The following SLC4A4 variants were observed in gnomAD, a reference collection of about 807,000 sequenced individuals.
SLC4A4 encodes the protein solute carrier family 4 member 4, also known as electrogenic sodium bicarbonate cotransporter 1.
In SLC4A4, 27 loss-of-function variants were observed where a neutral mutation model predicts 111.5. That is an observed-to-expected ratio of 0.24 (90% CI 0.18 to 0.33). SLC4A4 has a LOEUF of 0.33. SLC4A4 is among the 10% of genes least tolerant of loss of function. The pLI, the probability that SLC4A4 is intolerant of heterozygous loss-of-function variation, is 1.00. For missense variants in SLC4A4, 909 were observed against 1,315.5 expected, an observed-to-expected ratio of 0.69 and a Z score of 4.78; for synonymous variants, 443 against 463.4, an observed-to-expected ratio of 0.96 and a Z score of 0.57.
intron 2 of SLC4A4, among the ~76,000 whole-genome samples, chr4:71,098,517 T>G (rs1039133628): frequency 6.6e-6 from 1 of 152,228 alleles, no homozygotes; most frequent in Non-Finnish European, 1.5e-5. Context: ...AGATTCTTTT[T>G]TGGTTTCATG....
intron 15 of SLC4A4, among the ~76,000 whole-genome samples, chr4:71,492,365 A>G (rs928300702): frequency 2.6e-5 from 4 of 151,862 alleles, no homozygotes; most frequent in Non-Finnish European, 4.4e-5. Flanking sequence ...TATGCATACT[A>G]CTTTTCAGAA....
chr4:71,271,871 C>G (rs982733993), intron 3 of SLC4A4, among the ~76,000 whole-genome samples: 1 of 152,118 alleles, frequency 6.6e-6, no homozygotes, highest in Non-Finnish European at 1.5e-5. Context: ...TTTTATTTAA[C>G]CCTCATGAAC....
chr4:71,263,979 G>C (rs2149071628), intron 3 of SLC4A4, among the ~76,000 whole-genome samples: 1 of 152,286 alleles, frequency 6.6e-6, no homozygotes, highest in South Asian at 2.1e-4. Flanking sequence ...ATTCCACTGT[G>C]TTGAGTGAGG....
chr4:71,159,202 AT>A (rs1434308364), intron 2 of SLC4A4, among the ~76,000 whole-genome samples: 2 of 152,166 alleles, frequency 1.3e-5, no homozygotes, highest in African/African-American at 4.8e-5. Context: ...TTTTCCTAAC[AT>A]TGCATTGTGG....
intron 12 of SLC4A4, among the ~76,000 whole-genome samples, chr4:71,461,033 T>C (rs1726772246): frequency 6.6e-6 from 1 of 152,168 alleles, no homozygotes; most frequent in South Asian, 2.1e-4. Flanking sequence ...GACTGCTTAT[T>C]TCCAGTGACA....
intron 3 of SLC4A4, among the ~76,000 whole-genome samples, chr4:71,295,136 T>TCCCTACATTCTGCA (rs1363824749): frequency 1.3e-5 from 2 of 152,196 alleles, no homozygotes; most frequent in Non-Finnish European, 2.9e-5. Context: ...GAGTGATAAT[T>TCCCTACATTCTGCA]GGGAATGTAG....
chr4:71,204,458 C>A (rs554818353), intron 1 of SLC4A4, among the ~76,000 whole-genome samples: 1 of 152,256 alleles, frequency 6.6e-6, no homozygotes, highest in Non-Finnish European at 1.5e-5. Context: ...GGAAAAGTTA[C>A]CAAGGATGTT....
intron 1 of SLC4A4, among the ~76,000 whole-genome samples, chr4:71,226,062 G>A (rs930138807): frequency 9.9e-5 from 15 of 152,174 alleles, no homozygotes; most frequent in Non-Finnish European, 2.9e-5. Flanking sequence ...ACATTACAGA[G>A]TTTTATTTGT....
intron 4 of SLC4A4, among the ~76,000 whole-genome samples, chr4:71,341,924 C>A (rs925774738): frequency 6.6e-6 from 1 of 151,896 alleles, no homozygotes; most frequent in Non-Finnish European, 1.5e-5. Context: ...AAAAGTAATT[C>A]GGCTTTACTC....
intron 2 of SLC4A4, among the ~76,000 whole-genome samples, chr4:71,139,511 C>T (rs1483321560): frequency 3.3e-5 from 5 of 152,088 alleles, no homozygotes; most frequent in South Asian, 2.1e-4. Context: ...GAAATACTTC[C>T]GACCCTGTGG....
intron 21 of SLC4A4, 107 bp from the exon 22 acceptor site, chr4:71,557,605 G>A: frequency 8.9e-7 from 1 of 1,127,036 alleles, no homozygotes; most frequent in Non-Finnish European, 1.3e-6. Context: ...CTCTGAAAAG[G>A]ACACTGCTTG....
At chr4:71,281,035 T>C (rs1723475516) in intron 3 of SLC4A4, among the ~76,000 whole-genome samples, 1 of 152,222 alleles carries the variant, frequency 6.6e-6, no homozygotes, top group African/African-American at 2.4e-5. Flanking sequence ...TTTGATACTT[T>C]TTTTGAGCAG....
intron 16 of SLC4A4, among the ~76,000 whole-genome samples, chr4:71,528,412 C>T (rs1284794483): frequency 6.6e-6 from 1 of 152,030 alleles, no homozygotes; most frequent in African/African-American, 2.4e-5. Flanking sequence ...ATTTTATATT[C>T]TTTTGAATAT....
chr4:71,311,282 C>T (rs1351787477), intron 3 of SLC4A4, among the ~76,000 whole-genome samples: 1 of 152,058 alleles, frequency 6.6e-6, no homozygotes, highest in Non-Finnish European at 1.5e-5. Flanking sequence ...TTAGACAGAT[C>T]AACGAGACAG....
In SLC4A4 at chr4:71,195,503, A is replaced by G. The variant is rs569580158; in HGVS notation, c.-2+8102A>G. ...ACAGCTTTTGTTTTCTGTTACAGAC[A>G]TAATGTTAGGAAAATTGAAATAAAT... On this transcript the variant is annotated intron_variant, in intron 1 of 25. Transcript: ENST00000264485. Among the ~76,000 whole-genome samples, 35 of 152,308 alleles carry G rather than the reference A, an allele frequency of 2.3e-4. 1 individual carries two copies. The highest frequency in any genetic ancestry group is 7.8e-4 in the Admixed American group (12 of 15,298).
At chr4:71,066,685 T>C (rs1325597716) in intron 1 of SLC4A4, among the ~76,000 whole-genome samples, 1 of 152,206 alleles carries the variant, frequency 6.6e-6, no homozygotes, top group Non-Finnish European at 1.5e-5. Context: ...TTCTTTCTTC[T>C]CTTTGATGTC....
intron 3 of SLC4A4, among the ~76,000 whole-genome samples, chr4:71,269,397 T>C (rs1462915636): frequency 6.6e-6 from 1 of 152,226 alleles, no homozygotes; most frequent in Non-Finnish European, 1.5e-5. Flanking sequence ...CAGTTGTGTC[T>C]TTCTGAAGGG....
intron 7 of SLC4A4, among the ~76,000 whole-genome samples, chr4:71,430,337 A>T (rs533742474): frequency 3.4e-4 from 52 of 152,172 alleles, no homozygotes; most frequent in Non-Finnish European, 7.2e-4. Flanking sequence ...TAGATGGAAG[A>T]TGAGAAAATT....
chr4:71,537,450 T>TAG (rs1560599847), intron 18 of SLC4A4, among the ~76,000 whole-genome samples: 2 of 147,272 alleles, frequency 1.4e-5, no homozygotes, highest in African/African-American at 5.0e-5. Flanking sequence ...TGTGTATATA[T>TAG]AGAGAGAGAG....
Sources: gnomAD v4.1 joint callset for allele counts (sites outside exome capture counted in the v4.1 genomes callset) on GRCh38, gnomAD v4.1.1 for gene constraint, MANE v1.5 for transcripts, NCBI Gene and HGNC (gene_info 2026-07-23, HGNC 2026-07-21) for gene names.